The following TMEM72 variants were observed in gnomAD, a reference collection of about 807,000 sequenced individuals.
TMEM72 encodes kidney-specific secretory protein of 37 kDa.
TMEM72 carries 9 observed loss-of-function variants against 16.3 expected under a neutral mutation model. The ratio of observed to expected loss-of-function variants is 0.55; its 90% confidence interval spans 0.33 to 0.96. The LOEUF is 0.96. Ranked by LOEUF, TMEM72 falls within the 40% of genes least tolerant of loss-of-function variation. TMEM72 has a pLI of 0.03. For synonymous variants in TMEM72, 160 were observed against 146.5 expected (o/e 1.09, Z -0.66); for missense variants, 324 against 337.8 (o/e 0.96, Z 0.32).
chr10:44,929,124 G>T (rs1376079242), intron 2 of TMEM72, among the ~76,000 whole-genome samples: 1 of 152,194 alleles, frequency 6.6e-6, no homozygotes, highest in Non-Finnish European at 1.5e-5. Context: ...TGAGCAGCAG[G>T]ATCCAGATTC....
Position 44,932,006 on chromosome 10 carries a change from G to A in TMEM72, c.146G>A (p.Gly49Glu), listed in dbSNP as rs765630512. 1 of 1,612,784 alleles carries A rather than the reference G, an allele frequency of 6.2e-7. No individual in the cohort carries two copies. The highest frequency in any genetic ancestry group is 8.5e-7 in the Non-Finnish European group (1 of 1,179,484). Residue 49 changes from glycine to glutamate, a missense_variant, in exon 3 of 5, where the codon GGA becomes GAA. Physicochemically the swap from Gly to Glu is moderately conservative, Grantham distance 98. Transcript: ENST00000389583. Reference protein sequence around the residue: ...KSLAFYLLFTGAAVSICEGAY... With the variant: ...KSLAFYLLFTEAAVSICEGAY... ...CCTGTCTCCACCTGCAGGTTTACAG[G>A]AGCCGCTGTCTCCATATGTGAAGGG...
chr10:44,922,693 G>T (rs1185745068), intron 1 of TMEM72, among the ~76,000 whole-genome samples: 1 of 152,186 alleles, frequency 6.6e-6, no homozygotes, highest in Non-Finnish European at 1.5e-5. Flanking sequence ...GATGATACAG[G>T]ATTCTCCTCC....
Position 44,934,730 on chromosome 10 carries a change from G to T in TMEM72, c.424G>T (p.Val142Leu). The change falls in exon 5 of 5, where the codon GTG (valine) becomes TTG (leucine). Residue 142 changes from valine to leucine, a missense_variant. Coordinates refer to ENST00000389583, the MANE Select transcript of TMEM72 (RefSeq NM_001123376.3). Reference protein sequence around the residue: ...KRKKRKAAPEVLASPEQYTDP... With the variant: ...KRKKRKAAPELLASPEQYTDP... Reference sequence around the variant, plus strand: ...GAAGAAGAGGAAAGCTGCCCCCGAGGTGCTGGCCTCCCCAGAGCAGTACAC... The same window carrying T: ...GAAGAAGAGGAAAGCTGCCCCCGAGTTGCTGGCCTCCCCAGAGCAGTACAC... 6.2e-7 allele frequency: 1 copy of T among 1,612,548 alleles called. No individual in the cohort carries two copies. Among genetic ancestry groups the T allele is most frequent in the Non-Finnish European group, 8.5e-7 (1 of 1,179,600 alleles).
At chr10:44,911,714 C>G (rs552420048) in intron 1 of TMEM72, 132 bp downstream of exon 1, 1 of 999,740 alleles carries the variant, frequency 1.0e-6, no homozygotes, top group Non-Finnish European at 1.5e-6. Flanking sequence ...TTTCCCAAGA[C>G]CCCTAGAAAC....
At chr10:44,934,600 G>A (rs1442485039) in intron 4 of TMEM72, 56 bp from the exon 5 acceptor site, 1 of 1,480,100 alleles carries the variant, frequency 6.8e-7, no homozygotes, top group Non-Finnish European at 9.0e-7. Context: ...TGCTTGCAAG[G>A]ACTCCGGATT....
rs1274032827 is a variant in TMEM72, at chr10:44,911,403, G to A, written c.-110G>A. 1 of 1,182,388 alleles carries A rather than the reference G, an allele frequency of 8.5e-7. No homozygotes were observed. The highest frequency in any genetic ancestry group is 2.1e-5 in the Admixed American group (1 of 46,978). The allele number at this position is 1,182,388 out of a possible 1,614,324, so 73.2% of individuals were successfully genotyped here. ...TGGTTTGGGAAGGCAGGGCCCCGGT[G>A]TGCAGCCACAGCCAGCAGCCTCCTA... On this transcript the variant is annotated 5_prime_UTR_variant, in exon 1 of 5. The change creates a new upstream start codon in the 5' untranslated region. Coordinates refer to ENST00000389583, the MANE Select transcript of TMEM72 (RefSeq NM_001123376.3).
In TMEM72 at chr10:44,911,584, T is replaced by C; in HGVS notation, c.70+2T>C. ...TCCTGGGCATCACCACTGCTGCAGG[T>C]AAGACCCTGCCTCCTGGCTGCTGAT... is the stretch of plus-strand genomic sequence containing the variant. On this transcript the variant is annotated splice_donor_variant, in intron 1 of 4. Coordinates refer to ENST00000389583, the MANE Select transcript of TMEM72 (RefSeq NM_001123376.3). LOFTEE classifies it high-confidence loss of function. 1 of 1,550,156 alleles carries C rather than the reference T, an allele frequency of 6.5e-7. No individual in the cohort carries two copies. The highest frequency in any genetic ancestry group is 1.7e-4 in the Middle Eastern group (1 of 5,992).
At chr10:44,915,813 A>C (rs1390232844) in intron 1 of TMEM72, among the ~76,000 whole-genome samples, 1 of 152,026 alleles carries the variant, frequency 6.6e-6, no homozygotes, top group Non-Finnish European at 1.5e-5. Context: ...ATTGCCACAC[A>C]TGCTTTAACC....
chr10:44,926,785 C>T (rs1484807211), intron 1 of TMEM72, among the ~76,000 whole-genome samples: 2 of 152,076 alleles, frequency 1.3e-5, no homozygotes, highest in Non-Finnish European at 2.9e-5. Context: ...TCTCCATGAT[C>T]GCCCCTCCCA....
intron 1 of TMEM72, among the ~76,000 whole-genome samples, chr10:44,923,672 G>A (rs1215420658): frequency 1.3e-5 from 2 of 152,200 alleles, no homozygotes; most frequent in Non-Finnish European, 2.9e-5. Context: ...GGGCAACAGG[G>A]CTGACATGCC....
chr10:44,933,827 G>A (rs745700694), intron 4 of TMEM72, 51 bp downstream of exon 4: 141 of 1,546,420 alleles, frequency 9.1e-5, no homozygotes, highest in Non-Finnish European at 1.2e-4. Flanking sequence ...TGGACTCTGA[G>A]CAGGAGGAGC....
At chr10:44,922,314 A>G (rs1646123099) in intron 1 of TMEM72, among the ~76,000 whole-genome samples, 1 of 152,052 alleles carries the variant, frequency 6.6e-6, no homozygotes, top group African/African-American at 2.4e-5. Flanking sequence ...ACCTGTGACA[A>G]TCCCATTCTT....
chr10:44,911,449 A>T lies in TMEM72; in HGVS notation c.-64A>T. The T allele has an allele frequency of 6.6e-7, 1 of 1,511,418 alleles. No individual in the cohort carries two copies. Among genetic ancestry groups the T allele is most frequent in the Non-Finnish European group, 9.0e-7 (1 of 1,116,930 alleles). 93.6% of individuals were successfully genotyped at this position (1,511,418 alleles called of 1,614,324 possible). ...TCCTACCTACACAAGGGTGTTCGGGAGCATCTCAGGGCCGAAGACTTTGCT... is the reference window on the plus strand; with the variant it reads ...TCCTACCTACACAAGGGTGTTCGGGTGCATCTCAGGGCCGAAGACTTTGCT... On this transcript the variant is annotated 5_prime_UTR_variant, in exon 1 of 5. Transcript: ENST00000389583.
chr10:44,919,059 C>T (rs79428529), intron 1 of TMEM72, among the ~76,000 whole-genome samples: 7,217 of 152,196 alleles, frequency 0.047, 259 homozygotes, highest in Non-Finnish European at 0.063. Flanking sequence ...AAAGAAAAAC[C>T]ATATTATCAT....
At chr10:44,917,683 AG>A (rs1264812208) in intron 1 of TMEM72, among the ~76,000 whole-genome samples, 1 of 152,190 alleles carries the variant, frequency 6.6e-6, no homozygotes, top group Non-Finnish European at 1.5e-5. Context: ...ACTGTGAAGA[AG>A]GGGCTCAGGA....
chr10:44,924,616 C>T (rs781234040), intron 1 of TMEM72, among the ~76,000 whole-genome samples: 9 of 152,212 alleles, frequency 5.9e-5, no homozygotes, highest in Non-Finnish European at 1.3e-4. Flanking sequence ...AGGAGGGACT[C>T]GGTGCGAGTC....
chr10:44,928,038 A>ACCCTACAT (rs746691327), intron 2 of TMEM72, 51 bp downstream of exon 2: 107 of 1,589,350 alleles, frequency 6.7e-5, no homozygotes, highest in Admixed American at 1.0e-4. Flanking sequence ...TGCTCAACTC[A>ACCCTACAT]CCCTACATCT....
At chr10:44,934,341 C>T (rs1436615055) in intron 4 of TMEM72, among the ~76,000 whole-genome samples, 1 of 152,216 alleles carries the variant, frequency 6.6e-6, no homozygotes, top group Non-Finnish European at 1.5e-5. Flanking sequence ...CTCTCTGCTC[C>T]CTATCTGTGA....
chr10:44,934,923 T>C lies in TMEM72; in HGVS notation c.617T>C (p.Met206Thr), dbSNP rs771050531. ...PSALQPPNTLMELSLEPADSL... is the reference protein window; with the variant it reads ...PSALQPPNTLTELSLEPADSL... Reference sequence around the variant, plus strand: ...GCCCTCCAGCCCCCCAACACCCTGATGGAGCTGAGCCTGGAGCCAGCCGAC... The same window carrying C: ...GCCCTCCAGCCCCCCAACACCCTGACGGAGCTGAGCCTGGAGCCAGCCGAC... Residue 206 changes from methionine to threonine, a missense_variant, in exon 5 of 5, where the codon ATG (methionine) becomes ACG (threonine). By Grantham distance (81) the Met-to-Thr change is moderately conservative. Transcript: ENST00000389583. 3 of 1,613,568 alleles carry C rather than the reference T, an allele frequency of 1.9e-6. No individual in the cohort carries two copies. The African/African-American group carries it at 4.0e-5, about 22-fold the overall frequency.
Sources: gnomAD v4.1 joint callset for allele counts (sites outside exome capture counted in the v4.1 genomes callset) on GRCh38, gnomAD v4.1.1 for gene constraint, MANE v1.5 for transcripts, NCBI Gene and HGNC (gene_info 2026-07-23, HGNC 2026-07-21) for gene names.